The following ARHGEF4 variants were observed in gnomAD, a reference collection of about 807,000 sequenced individuals.
The protein encoded by ARHGEF4 is APC-stimulated guanine nucleotide exchange factor 1.
Under a neutral mutation model 162.0 loss-of-function variants are expected in ARHGEF4, and 119 were observed. The ratio of observed to expected loss-of-function variants is 0.73; its 90% CI spans 0.63 to 0.86. ARHGEF4 has a LOEUF of 0.86. Ranked by LOEUF, ARHGEF4 falls within the 40% of genes least tolerant of loss-of-function variation. The probability of loss-of-function intolerance (pLI) is 0.00; values close to 1 mark genes in which losing one functional copy is unlikely to be tolerated. For synonymous variants in ARHGEF4, 1,014 were observed against 979.9 expected (o/e 1.03, Z -0.65); for missense variants, 2,488 against 2,456.0 (o/e 1.01, Z -0.28).
chr2:130,883,160 G>A (rs926055988), intron 1 of ARHGEF4, among the ~76,000 whole-genome samples: 2 of 151,996 alleles, frequency 1.3e-5, no homozygotes, highest in Non-Finnish European at 2.9e-5. Flanking sequence ...GACGGTACTC[G>A]GATGTAGTGG....
At chr2:130,874,846 G>T (rs1338771464) in intron 1 of ARHGEF4, among the ~76,000 whole-genome samples, 1 of 152,280 alleles carries the variant, frequency 6.6e-6, no homozygotes, top group East Asian at 1.9e-4. Context: ...TTCATTTCAA[G>T]AATAGTATAA....
intron 4 of ARHGEF4, among the ~76,000 whole-genome samples, chr2:130,986,442 T>A (rs915626229): frequency 6.6e-6 from 1 of 152,164 alleles, no homozygotes; most frequent in African/African-American, 2.4e-5. Context: ...GAGCTGCTAG[T>A]CTGGTTAAAA....
intron 1 of ARHGEF4, among the ~76,000 whole-genome samples, chr2:130,879,225 G>C (rs1220776009): frequency 6.6e-6 from 1 of 152,200 alleles, no homozygotes; most frequent in South Asian, 2.1e-4. Context: ...AGCAAATATT[G>C]TGTGCAGATC....
intron 4 of ARHGEF4, among the ~76,000 whole-genome samples, chr2:130,987,414 G>A (rs185828601): frequency 9.9e-5 from 15 of 152,246 alleles, no homozygotes; most frequent in East Asian, 5.8e-4. Context: ...ACGGGTGAGC[G>A]GTAGCAAAAG....
At chr2:130,871,516 G>A (rs1053832080) in intron 1 of ARHGEF4, among the ~76,000 whole-genome samples, 5 of 151,250 alleles carry the variant, frequency 3.3e-5, no homozygotes, top group Admixed American at 2.0e-4. Context: ...AGCCTGGGCG[G>A]CAAGAGCAAA....
intron 4 of ARHGEF4, among the ~76,000 whole-genome samples, chr2:131,018,899 TGGGA>T: frequency 6.6e-6 from 1 of 152,344 alleles, no homozygotes; most frequent in South Asian, 2.1e-4. Flanking sequence ...TGACCACATA[TGGGA>T]GGGTTTATTT....
chr2:130,841,435 T>A (rs1298070141), intron 1 of ARHGEF4, among the ~76,000 whole-genome samples: 3 of 151,262 alleles, frequency 2.0e-5, no homozygotes, highest in African/African-American at 7.3e-5. Flanking sequence ...CCTATTGGCA[T>A]TACCTGTTGA....
intron 4 of ARHGEF4, among the ~76,000 whole-genome samples, chr2:131,019,794 C>G (rs772412480): frequency 6.6e-6 from 1 of 152,058 alleles, no homozygotes; most frequent in Admixed American, 6.6e-5. Context: ...CCACCACGGC[C>G]GGCTAATTTT....
At chr2:130,859,439 T>C (rs974494632) in intron 1 of ARHGEF4, among the ~76,000 whole-genome samples, 1 of 84,484 alleles carries the variant, frequency 1.2e-5, no homozygotes, top group African/African-American at 3.1e-5. Flanking sequence ...AGAATTTGTA[T>C]CCAGAATATA....
chr2:130,997,393 T>G (rs1191340264), intron 4 of ARHGEF4, among the ~76,000 whole-genome samples: 2 of 152,230 alleles, frequency 1.3e-5, no homozygotes, highest in African/African-American at 2.4e-5. Context: ...GGTAGATGAT[T>G]AGGTCATTTC....
chr2:130,903,588 T>G (rs1296365098), intron 1 of ARHGEF4, among the ~76,000 whole-genome samples: 2 of 152,200 alleles, frequency 1.3e-5, no homozygotes, highest in Non-Finnish European at 2.9e-5. Flanking sequence ...GCTGTACATG[T>G]ACAGGTTGGT....
rs769509406 is a variant in ARHGEF4, at chr2:130,914,011, CAGGTGA to C, written c.72_77del (p.Gly25_Glu26del). The C allele has an allele frequency of 1.8e-5, 28 of 1,535,992 alleles. No individual in the cohort carries two copies. The highest frequency in any genetic ancestry group is 2.4e-5 in the Non-Finnish European group (28 of 1,146,926). On this transcript the variant is annotated inframe_deletion, in exon 2 of 14. Transcript: ENST00000409359. Reference sequence around the variant, plus strand: ...ACTCCAGAGCCAGGTGCACACCTGCCAGGTGAAGGTGAGATTGAAGATAACCAGCTC... The same window carrying C: ...ACTCCAGAGCCAGGTGCACACCTGCCAGGTGAGATTGAAGATAACCAGCTC...
intron 1 of ARHGEF4, among the ~76,000 whole-genome samples, chr2:130,873,373 G>A (rs1408777434): frequency 6.6e-6 from 1 of 152,124 alleles, no homozygotes; most frequent in African/African-American, 2.4e-5. Flanking sequence ...TGGATCACCT[G>A]AGATCAGGAG....
chr2:130,854,659 A>G (rs1350879494), intron 1 of ARHGEF4, among the ~76,000 whole-genome samples: 2 of 152,128 alleles, frequency 1.3e-5, no homozygotes, highest in Admixed American at 6.5e-5. Context: ...TCTCACTCAC[A>G]GGATGGAGGT....
At chr2:130,921,726 C>T (rs544348045) in intron 2 of ARHGEF4, among the ~76,000 whole-genome samples, 107 of 152,266 alleles carry the variant, frequency 7.0e-4, no homozygotes, top group Non-Finnish European at 7.6e-4. Context: ...AAGTCCCCCT[C>T]TGTCACCCAG....
intron 5 of ARHGEF4, chr2:131,035,498 G>GA (rs1164293149): frequency 3.2e-6 from 1 of 313,460 alleles, no homozygotes; most frequent in Non-Finnish European, 5.0e-6. Flanking sequence ...CTGCGGGGGC[G>GA]AGGGGGGAGG....
intron 3 of ARHGEF4, among the ~76,000 whole-genome samples, chr2:130,936,029 C>T (rs1021901368): frequency 2.6e-5 from 4 of 152,076 alleles, no homozygotes; most frequent in African/African-American, 9.7e-5. Context: ...CATGCCATTG[C>T]ATTCCAGCCT....
chr2:130,989,153 G>T (rs1339157758), intron 4 of ARHGEF4, among the ~76,000 whole-genome samples: 1 of 151,874 alleles, frequency 6.6e-6, no homozygotes, highest in Non-Finnish European at 1.5e-5. Context: ...TAGAGATGGG[G>T]TTACTCCATG....
At chr2:130,913,464 T>C (rs925241531) in intron 1 of ARHGEF4, among the ~76,000 whole-genome samples, 1 of 152,384 alleles carries the variant, frequency 6.6e-6, no homozygotes, top group Non-Finnish European at 1.5e-5. Context: ...AAAATGTGTT[T>C]GCAACTTCGA....
Sources: gnomAD v4.1 joint callset for allele counts (sites outside exome capture counted in the v4.1 genomes callset) on GRCh38, gnomAD v4.1.1 for gene constraint, MANE v1.5 for transcripts, NCBI Gene and HGNC (gene_info 2026-07-23, HGNC 2026-07-21) for gene names.